DOCK1: variants seen among roughly 807,000 people sequenced by gnomAD.
DOCK1 encodes dedicator of cytokinesis protein 1.
Under a neutral mutation model 262.7 loss-of-function variants are expected in DOCK1, and 138 were observed. The ratio of observed to expected loss-of-function variants is 0.53; its 90% CI spans 0.46 to 0.61. The LOEUF is 0.61. Ranked by LOEUF, DOCK1 falls within the 20% of genes least tolerant of loss-of-function variation. DOCK1 has a pLI of 0.00. For synonymous variants in DOCK1, 866 were observed against 867.4 expected, an observed-to-expected ratio of 1.00 and a Z score of 0.03; for missense variants, 1,908 against 2,370.7, an observed-to-expected ratio of 0.80 and a Z score of 4.05.
intron 28 of DOCK1, among the ~76,000 whole-genome samples, chr10:127,248,587 C>G (rs2059510514): frequency 1.3e-5 from 2 of 152,234 alleles, no homozygotes; most frequent in African/African-American, 2.4e-5. Context: ...CTCAGTAAAA[C>G]TATGATACAA....
intron 23 of DOCK1, among the ~76,000 whole-genome samples, chr10:127,068,454 C>T (rs972605457): frequency 4.5e-5 from 6 of 133,432 alleles, no homozygotes; most frequent in African/African-American, 1.7e-4. Flanking sequence ...TACAGCAGCT[C>T]CTGCCTTCGC....
At chr10:127,093,202 C>CTTTCTTTCTTTGTTTCTTTCTTTG (rs1474533901) in intron 23 of DOCK1, among the ~76,000 whole-genome samples, 1 of 129,560 alleles carries the variant, frequency 7.7e-6, no homozygotes, top group Admixed American at 7.6e-5. Flanking sequence ...TCTCCTTTTT[C>CTTTCTTTCTTTGTTTCTTTCTTTG]TTTCTTTCTT....
chr10:127,062,079 G>A (rs926204885), intron 23 of DOCK1, among the ~76,000 whole-genome samples: 1 of 151,748 alleles, frequency 6.6e-6, no homozygotes, highest in Non-Finnish European at 1.5e-5. Flanking sequence ...TGGGACTACA[G>A]GCGCATGCCA....
intron 27 of DOCK1, among the ~76,000 whole-genome samples, chr10:127,159,305 T>C (rs930258361): frequency 2.6e-5 from 4 of 152,146 alleles, no homozygotes; most frequent in African/African-American, 9.7e-5. Context: ...GGAGCTCTAG[T>C]CAGGGCTACC....
chr10:127,386,053 G>A (rs1457958206), intron 38 of DOCK1, among the ~76,000 whole-genome samples: 1 of 152,178 alleles, frequency 6.6e-6, no homozygotes, highest in Non-Finnish European at 1.5e-5. Flanking sequence ...TGATGCCCGG[G>A]AGTGATGATG....
At chr10:127,004,769 GCCACC>G (rs2040878475) in intron 10 of DOCK1, among the ~76,000 whole-genome samples, 1 of 14,276 alleles carries the variant, frequency 7.0e-5, no homozygotes, top group African/African-American at 2.5e-4. Flanking sequence ...CCCCTGCCCC[GCCACC>G]CCCCCGCCCC....
At chr10:127,218,575 G>C (rs2058306186) in intron 27 of DOCK1, among the ~76,000 whole-genome samples, 1 of 152,182 alleles carries the variant, frequency 6.6e-6, no homozygotes, top group South Asian at 2.1e-4. Flanking sequence ...ACTTCTGACT[G>C]TTTGTGCTGA....
chr10:126,963,569 CCCTCT>C (rs2037390338), intron 1 of DOCK1, among the ~76,000 whole-genome samples: 1 of 145,308 alleles, frequency 6.9e-6, no homozygotes, highest in African/African-American at 2.6e-5. Context: ...TCCCTCCTCT[CCCTCT>C]CCTTCCCTCC....
chr10:127,427,646 T>C (rs964361476), intron 47 of DOCK1, among the ~76,000 whole-genome samples: 5 of 152,200 alleles, frequency 3.3e-5, no homozygotes, highest in African/African-American at 1.2e-4. Flanking sequence ...TCTGTGCTTT[T>C]AGCCCCTACT....
At chr10:127,217,154 A>G (rs1230227454) in intron 27 of DOCK1, among the ~76,000 whole-genome samples, 1 of 152,204 alleles carries the variant, frequency 6.6e-6, no homozygotes, top group African/African-American at 2.4e-5. Flanking sequence ...TAGAGCTAGA[A>G]CCAGTGTCTG....
intron 22 of DOCK1, among the ~76,000 whole-genome samples, chr10:127,055,452 A>G (rs2045074878): frequency 6.6e-6 from 1 of 152,200 alleles, no homozygotes; most frequent in African/African-American, 2.4e-5. Context: ...CTTTCATCTT[A>G]TTGGCCAGAA....
intron 29 of DOCK1, among the ~76,000 whole-genome samples, chr10:127,288,719 G>A (rs915801606): frequency 1.3e-5 from 2 of 148,710 alleles, no homozygotes; most frequent in Admixed American, 6.7e-5. Flanking sequence ...ATAATAATTT[G>A]TAATATACAG....
chr10:126,969,966 G>A (rs2037975080), intron 1 of DOCK1, among the ~76,000 whole-genome samples: 2 of 152,160 alleles, frequency 1.3e-5, no homozygotes, highest in African/African-American at 4.8e-5. Context: ...ATTAGGTAGA[G>A]GCTGTTGGGT....
intron 35 of DOCK1, among the ~76,000 whole-genome samples, chr10:127,379,325 T>G (rs2065701490): frequency 6.6e-6 from 1 of 152,264 alleles, no homozygotes; most frequent in Non-Finnish European, 1.5e-5. Flanking sequence ...AATCTACTAA[T>G]TAAGCTTTCT....
chr10:127,408,919 TA>T, intron 40 of DOCK1, 117 bp from the exon 41 acceptor site: 1 of 1,347,724 alleles, frequency 7.4e-7, no homozygotes, highest in Non-Finnish European at 9.8e-7. Context: ...AAGTTGTTCT[TA>T]AATTTAATGA....
chr10:127,169,960 G>A (rs1280371892), intron 27 of DOCK1, among the ~76,000 whole-genome samples: 7 of 151,894 alleles, frequency 4.6e-5, no homozygotes. Flanking sequence ...CACCGTAAGC[G>A]GCACCCTCAC....
chr10:127,418,264 A>G, intron 44 of DOCK1, 101 bp from the exon 45 acceptor site: 1 of 1,293,132 alleles, frequency 7.7e-7, no homozygotes, highest in Non-Finnish European at 1.0e-6. Flanking sequence ...AGGTTCACGG[A>G]GGAGCAGGAA....
chr10:126,971,694 A>G (rs2038120619), intron 2 of DOCK1, among the ~76,000 whole-genome samples: 1 of 152,158 alleles, frequency 6.6e-6, no homozygotes, highest in Non-Finnish European at 1.5e-5. Flanking sequence ...CTGGAATTAC[A>G]GGCGTGAGCC....
At chr10:127,156,753 A>T (rs2053122752) in intron 27 of DOCK1, among the ~76,000 whole-genome samples, 1 of 151,652 alleles carries the variant, frequency 6.6e-6, no homozygotes, top group South Asian at 2.1e-4. Context: ...TTTTTAGTAG[A>T]GACGGGGTTT....
Sources: allele counts gnomAD v4.1 joint callset (sites outside exome capture counted in the v4.1 genomes callset), GRCh38; gene constraint gnomAD v4.1.1; transcripts MANE v1.5; gene names NCBI Gene and HGNC (gene_info 2026-07-23, HGNC 2026-07-21).